The following TAFA1 variants were observed in gnomAD, a reference collection of about 807,000 sequenced individuals.
TAFA1 encodes the protein chemokine-like protein TAFA-1.
Under a neutral mutation model 18.5 loss-of-function variants are expected in TAFA1, and 4 were observed. That is an observed-to-expected ratio of 0.22 (90% confidence interval 0.11 to 0.49). The LOEUF is 0.49. Among genes scored for constraint, TAFA1 ranks in the 20% least tolerant of loss-of-function variants. The pLI is 0.98. For synonymous variants in TAFA1, 56 were observed against 55.2 expected (o/e 1.01, Z -0.06); for missense variants, 147 against 169.0 (o/e 0.87, Z 0.72).
chr3:68,115,581 G>C (rs1441413938), intron 2 of TAFA1, among the ~76,000 whole-genome samples: 1 of 152,192 alleles, frequency 6.6e-6, no homozygotes, highest in Admixed American at 6.5e-5. Context: ...GTGATTTTGA[G>C]TAGCAACCCA....
intron 3 of TAFA1, among the ~76,000 whole-genome samples, chr3:68,445,062 G>A (rs1358123252): frequency 1.3e-5 from 2 of 151,920 alleles, no homozygotes; most frequent in African/African-American, 4.8e-5. Context: ...CCATATCTGT[G>A]TTCAGTTTTT....
chr3:68,324,772 G>T (rs373187449), intron 2 of TAFA1, among the ~76,000 whole-genome samples: 7 of 152,240 alleles, frequency 4.6e-5, no homozygotes, highest in Admixed American at 4.6e-4. Flanking sequence ...TTCTAGATTG[G>T]ATATCTTATT....
chr3:68,094,021 A>T (rs906718589), intron 2 of TAFA1, among the ~76,000 whole-genome samples: 2 of 152,102 alleles, frequency 1.3e-5, no homozygotes, highest in Non-Finnish European at 2.9e-5. Flanking sequence ...TATGGACTCA[A>T]AATAAATCTA....
intron 2 of TAFA1, among the ~76,000 whole-genome samples, chr3:68,254,814 G>C (rs1272136055): frequency 6.6e-6 from 1 of 152,072 alleles, no homozygotes; most frequent in East Asian, 1.9e-4. Flanking sequence ...GCAGAAGAGA[G>C]TAATGAGATT....
chr3:68,097,077 A>C (rs2065094993), intron 2 of TAFA1, among the ~76,000 whole-genome samples: 1 of 152,080 alleles, frequency 6.6e-6, no homozygotes, highest in Non-Finnish European at 1.5e-5. Flanking sequence ...CTCTGGGATG[A>C]TTCCTAAGCA....
chr3:68,392,239 C>T (rs2070274527), intron 2 of TAFA1, among the ~76,000 whole-genome samples: 1 of 145,392 alleles, frequency 6.9e-6, no homozygotes, highest in Non-Finnish European at 1.5e-5. Flanking sequence ...AGAATTTCAA[C>T]CAACAAAGAT....
intron 2 of TAFA1, among the ~76,000 whole-genome samples, chr3:68,014,178 T>G (rs577882342): frequency 2.6e-5 from 4 of 152,346 alleles, no homozygotes; most frequent in Admixed American, 2.6e-4. Context: ...TACTTTCAAG[T>G]GAATACAGAA....
At chr3:68,346,629 A>G (rs1488296509) in intron 2 of TAFA1, among the ~76,000 whole-genome samples, 1 of 152,196 alleles carries the variant, frequency 6.6e-6, no homozygotes, top group Non-Finnish European at 1.5e-5. Flanking sequence ...ATGACTGCTA[A>G]CATTTTTGAG....
At chr3:68,081,419 C>T (rs1053137011) in intron 2 of TAFA1, among the ~76,000 whole-genome samples, 1 of 151,858 alleles carries the variant, frequency 6.6e-6, no homozygotes, top group Admixed American at 6.6e-5. Context: ...TTTTTCTGTT[C>T]TGTTTGTTCC....
chr3:68,506,316 C>G (rs557692284), intron 3 of TAFA1, among the ~76,000 whole-genome samples: 16 of 152,192 alleles, frequency 1.1e-4, no homozygotes, highest in African/African-American at 3.4e-4. Flanking sequence ...GGTTCCAAGT[C>G]TTTGCTATTG....
At chr3:68,297,241 C>T (rs1439397792) in intron 2 of TAFA1, among the ~76,000 whole-genome samples, 1 of 152,180 alleles carries the variant, frequency 6.6e-6, no homozygotes, top group African/African-American at 2.4e-5. Context: ...AAAGTAAGTA[C>T]CCATTTGATT....
At chr3:68,168,972 C>T (rs2066018482) in intron 2 of TAFA1, among the ~76,000 whole-genome samples, 1 of 152,094 alleles carries the variant, frequency 6.6e-6, no homozygotes, top group Admixed American at 6.5e-5. Context: ...CATGCCATTT[C>T]CTCTGGAAAT....
chr3:68,164,115 T>C (rs1173005460), intron 2 of TAFA1, among the ~76,000 whole-genome samples: 4 of 152,214 alleles, frequency 2.6e-5, no homozygotes, highest in Non-Finnish European at 5.9e-5. Context: ...ATTTCAGCTC[T>C]AGCATCATTA....
At chr3:68,306,646 A>C (rs2068428009) in intron 2 of TAFA1, among the ~76,000 whole-genome samples, 1 of 152,140 alleles carries the variant, frequency 6.6e-6, no homozygotes, top group African/African-American at 2.4e-5. Context: ...CGAGGAGCTA[A>C]AGCTGGTCTC....
At chr3:68,198,574 G>T (rs1052860689) in intron 2 of TAFA1, among the ~76,000 whole-genome samples, 18 of 151,078 alleles carry the variant, frequency 1.2e-4, no homozygotes, top group African/African-American at 4.1e-4. Flanking sequence ...CATTCTAATA[G>T]ATGTGTAGTA....
chr3:68,279,900 G>A (rs530054340), intron 2 of TAFA1, among the ~76,000 whole-genome samples: 1 of 152,172 alleles, frequency 6.6e-6, no homozygotes, highest in East Asian at 1.9e-4. Context: ...TCAATTTGTA[G>A]CCTTAATGAT....
chr3:68,349,591 A>G (rs531415531), intron 2 of TAFA1, among the ~76,000 whole-genome samples: 24 of 152,106 alleles, frequency 1.6e-4, no homozygotes, highest in Non-Finnish European at 2.6e-4. Context: ...GATAAGCAGC[A>G]AGTTGTACCT....
intron 2 of TAFA1, among the ~76,000 whole-genome samples, chr3:68,062,698 T>C (rs983873148): frequency 1.4e-4 from 22 of 152,182 alleles, no homozygotes; most frequent in African/African-American, 9.7e-5. Flanking sequence ...ATATTTCAGT[T>C]TGAAGTAGTA....
intron 3 of TAFA1, among the ~76,000 whole-genome samples, chr3:68,453,321 G>A (rs772323978): frequency 6.6e-6 from 1 of 152,106 alleles, no homozygotes; most frequent in Admixed American, 6.5e-5. Flanking sequence ...AGAAAATGCA[G>A]CATGTTTCCA....
Sources: gnomAD v4.1 joint callset for allele counts (sites outside exome capture counted in the v4.1 genomes callset) on GRCh38, gnomAD v4.1.1 for gene constraint, MANE v1.5 for transcripts, NCBI Gene and HGNC (gene_info 2026-07-23, HGNC 2026-07-21) for gene names.